The following SHROOM3 variants were observed in gnomAD, a reference collection of about 807,000 sequenced individuals.
The protein encoded by SHROOM3 is shroom family member 3.
A neutral mutation model predicts 138.6 loss-of-function variants in SHROOM3; 47 were observed. That is an observed-to-expected ratio of 0.34 (90% CI 0.27 to 0.43). The LOEUF (loss-of-function observed/expected upper bound fraction) is 0.43, where lower values mean the gene tolerates loss of function less well. Among genes scored for constraint, SHROOM3 ranks in the 20% least tolerant of loss-of-function variants. The pLI, the probability that SHROOM3 is intolerant of heterozygous loss-of-function variation, is 1.00. For synonymous variants in SHROOM3, 1,062 were observed against 1,063.3 expected (o/e 1.00, Z 0.02); for missense variants, 2,491 against 2,596.5 (o/e 0.96, Z 0.88).
intron 2 of SHROOM3, among the ~76,000 whole-genome samples, chr4:76,569,930 CT>C (rs1733802220): frequency 6.6e-6 from 1 of 152,100 alleles, no homozygotes; most frequent in Admixed American, 6.5e-5. Context: ...TCTTTCCTGC[CT>C]CATTGGCCCA....
In SHROOM3 at chr4:76,667,966, C is replaced by CAAAAAAAAAAAAAAAA. The variant is rs747974205; in HGVS notation, c.324-42179_324-42164dup. On this transcript the variant is annotated intron_variant, in intron 2 of 10. Transcript: ENST00000296043. ...TGGGCGACAGAAGGAGACTCCCTCT[C>CAAAAAAAAAAAAAAAA]AAAAAAAAAAAAAAAAAAAAAAAAA... Among the ~76,000 whole-genome samples the CAAAAAAAAAAAAAAAA allele has an allele frequency of 8.0e-4, 50 of 62,548 alleles. 4 individuals carry two copies. The highest frequency in any genetic ancestry group is 9.9e-4 in the Non-Finnish European group (34 of 34,252). 41.0% of individuals were successfully genotyped at this position (62,548 alleles called of 152,430 possible).
At chr4:76,615,241 C>T (rs1036863138) in intron 2 of SHROOM3, among the ~76,000 whole-genome samples, 3 of 152,114 alleles carry the variant, frequency 2.0e-5, no homozygotes, top group African/African-American at 4.8e-5. Context: ...TTGTCAGTAC[C>T]GCCTTCAACC....
At chr4:76,522,875 A>G (rs1400070524) in intron 1 of SHROOM3, among the ~76,000 whole-genome samples, 1 of 152,208 alleles carries the variant, frequency 6.6e-6, no homozygotes, top group Non-Finnish European at 1.5e-5. Context: ...TATCTTTTAT[A>G]TTTCACATTA....
chr4:76,488,907 G>C (rs1206650321), intron 1 of SHROOM3, among the ~76,000 whole-genome samples: 1 of 152,206 alleles, frequency 6.6e-6, no homozygotes, highest in East Asian at 1.9e-4. Context: ...AATAGGTTAA[G>C]GCAATTGTTC....
chr4:76,737,382 G>A (rs575186137), intron 4 of SHROOM3, among the ~76,000 whole-genome samples: 2 of 151,806 alleles, frequency 1.3e-5, no homozygotes, highest in African/African-American at 2.4e-5. Flanking sequence ...TAAAACTGCT[G>A]TAAACATCCG....
chr4:76,527,867 A>T (rs4241595), intron 1 of SHROOM3, among the ~76,000 whole-genome samples: 2 of 151,998 alleles, frequency 1.3e-5, no homozygotes. Flanking sequence ...TGTCACGTGC[A>T]GATTGGCTGG....
intron 1 of SHROOM3, among the ~76,000 whole-genome samples, chr4:76,527,900 C>T (rs1732733477): frequency 6.6e-6 from 1 of 152,184 alleles, no homozygotes; most frequent in East Asian, 1.9e-4. Flanking sequence ...CTGAACCAAT[C>T]CCCACAGCTG....
At chr4:76,733,448 G>T (rs1281794084) in intron 4 of SHROOM3, among the ~76,000 whole-genome samples, 1 of 152,212 alleles carries the variant, frequency 6.6e-6, no homozygotes, top group Non-Finnish European at 1.5e-5. Context: ...GACAAAAGGA[G>T]AAAGGAAAGT....
chr4:76,566,057 C>T (rs1395457634), intron 2 of SHROOM3, among the ~76,000 whole-genome samples: 1 of 145,252 alleles, frequency 6.9e-6, no homozygotes, highest in Non-Finnish European at 1.5e-5. Context: ...TGCAGTGAGC[C>T]ATGATCGGGC....
At chr4:76,536,449 T>C (rs1262150357) in intron 1 of SHROOM3, among the ~76,000 whole-genome samples, 1 of 152,206 alleles carries the variant, frequency 6.6e-6, no homozygotes, top group Non-Finnish European at 1.5e-5. Context: ...TAGGCATTCA[T>C]TCCCAGCGAA....
intron 2 of SHROOM3, among the ~76,000 whole-genome samples, chr4:76,669,122 A>G (rs958325289): frequency 2.0e-5 from 3 of 152,148 alleles, no homozygotes; most frequent in African/African-American, 7.2e-5. Flanking sequence ...TTATCTTTCT[A>G]TTCTAGTAAG....
intron 2 of SHROOM3, among the ~76,000 whole-genome samples, chr4:76,631,650 C>A (rs1054410156): frequency 1.3e-5 from 2 of 152,154 alleles, no homozygotes; most frequent in African/African-American, 4.8e-5. Flanking sequence ...ATGACAGAAG[C>A]ACAGCGAGCA....
intron 1 of SHROOM3, among the ~76,000 whole-genome samples, chr4:76,504,361 A>G (rs7668679): frequency 0.29 from 44,767 of 151,758 alleles, 7,376 homozygotes; most frequent in African/African-American, 0.43. Flanking sequence ...GTTTTACCAC[A>G]TTAGTCAGGC....
At chr4:76,492,747 T>A (rs1731879701) in intron 1 of SHROOM3, among the ~76,000 whole-genome samples, 3 of 152,174 alleles carry the variant, frequency 2.0e-5, no homozygotes, top group Admixed American at 2.0e-4. Context: ...GAACTTAGAC[T>A]TTCTATGGTA....
chr4:76,564,881 G>T (rs1355020125), intron 2 of SHROOM3, among the ~76,000 whole-genome samples: 3 of 151,482 alleles, frequency 2.0e-5, no homozygotes, highest in Non-Finnish European at 4.4e-5. Flanking sequence ...GGCACTCAAG[G>T]CTGGGTGCGG....
intron 2 of SHROOM3, among the ~76,000 whole-genome samples, chr4:76,619,564 A>C (rs1048058978): frequency 6.6e-6 from 1 of 152,218 alleles, no homozygotes; most frequent in Non-Finnish European, 1.5e-5. Flanking sequence ...GAAAGCAAGC[A>C]GTAAAAGAGC....
intron 1 of SHROOM3, among the ~76,000 whole-genome samples, chr4:76,553,930 A>G (rs113472682): frequency 0.015 from 2,296 of 152,322 alleles, 46 homozygotes; most frequent in African/African-American, 0.05. Flanking sequence ...CACCAGAGTG[A>G]TACATTTATT....
intron 2 of SHROOM3, among the ~76,000 whole-genome samples, chr4:76,573,286 A>G (rs963203297): frequency 4.6e-5 from 7 of 151,156 alleles, no homozygotes; most frequent in Non-Finnish European, 1.5e-5. Context: ...TAGGTACCCA[A>G]TTTTATCTAC....
chr4:76,632,032 G>A (rs752495227), intron 2 of SHROOM3, among the ~76,000 whole-genome samples: 2 of 152,168 alleles, frequency 1.3e-5, no homozygotes, highest in Admixed American at 6.5e-5. Context: ...GAATAATTGG[G>A]ATGGTAATGG....
Sources: allele counts gnomAD v4.1 joint callset (sites outside exome capture counted in the v4.1 genomes callset), GRCh38; gene constraint gnomAD v4.1.1; transcripts MANE v1.5; gene names NCBI Gene and HGNC (gene_info 2026-07-23, HGNC 2026-07-21).